ARHGEF3: variants seen among roughly 807,000 people sequenced by gnomAD.
The protein encoded by ARHGEF3 is Rho guanine nucleotide exchange factor 3, also known as 59.8 kDA protein.
ARHGEF3 carries 28 observed loss-of-function variants against 63.2 expected under a neutral mutation model. The ratio of observed to expected loss-of-function variants is 0.44; its 90% CI spans 0.33 to 0.61. The LOEUF (loss-of-function observed/expected upper bound fraction) is 0.61. ARHGEF3 is among the 20% of genes least tolerant of loss of function. The pLI is 0.03. For synonymous variants in ARHGEF3, 266 were observed against 254.2 expected, an observed-to-expected ratio of 1.05 and a Z score of -0.44; for missense variants, 533 against 659.3, an observed-to-expected ratio of 0.81 and a Z score of 2.10.
At chr3:57,014,723 C>G (rs1417239720) in intron 2 of ARHGEF3, among the ~76,000 whole-genome samples, 5 of 151,546 alleles carry the variant, frequency 3.3e-5, no homozygotes, top group Non-Finnish European at 7.4e-5. Flanking sequence ...CTGTGTCACC[C>G]AGGCTGGAGT....
upstream of ARHGEF3, chr3:56,801,958 G>C: frequency 1.3e-6 from 2 of 1,518,960 alleles, no homozygotes; most frequent in Non-Finnish European, 1.8e-6. Context: ...CTGGGCTCCG[G>C]AGCCGAGTGG....
At chr3:56,756,463 T>A (rs373815214) in intron 2 of ARHGEF3, among the ~76,000 whole-genome samples, 20 of 152,018 alleles carry the variant, frequency 1.3e-4, no homozygotes, top group African/African-American at 4.6e-4. Context: ...ATTCCCTAAA[T>A]ATGTCATGCT....
chr3:57,055,503 G>C (rs1704887129), intron 1 of ARHGEF3, among the ~76,000 whole-genome samples: 1 of 152,040 alleles, frequency 6.6e-6, no homozygotes, highest in Non-Finnish European at 1.5e-5. Flanking sequence ...CCTGTGCCTA[G>C]CCTCATCTCA....
intron 4 of ARHGEF3, among the ~76,000 whole-genome samples, chr3:56,851,441 A>C (rs1305225736): frequency 6.6e-6 from 1 of 152,190 alleles, no homozygotes. Flanking sequence ...GTGGTTTGTA[A>C]AGAAAAGAAA....
intron 8 of ARHGEF3, among the ~76,000 whole-genome samples, chr3:56,735,284 A>AAAACAAAC (rs564882157): frequency 6.6e-6 from 1 of 152,164 alleles, no homozygotes; most frequent in African/African-American, 2.4e-5. Flanking sequence ...ACTGTCTCAA[A>AAAACAAAC]AAACAAACAA....
chr3:57,025,412 C>G (rs1325823456), intron 2 of ARHGEF3, among the ~76,000 whole-genome samples: 2 of 152,210 alleles, frequency 1.3e-5, no homozygotes, highest in Non-Finnish European at 2.9e-5. Context: ...GGAAACTGCA[C>G]TCAGAGGAGT....
At chr3:57,001,636 G>C (rs145418374) in intron 2 of ARHGEF3, among the ~76,000 whole-genome samples, 4 of 152,262 alleles carry the variant, frequency 2.6e-5, no homozygotes, top group Admixed American at 1.3e-4. Flanking sequence ...TACAGTGCAG[G>C]CCTTCCCTTC....
At position 56,729,416 on chromosome 3, in the gene ARHGEF3, C is replaced by T. The variant is rs2032950520; in HGVS notation, c.1435G>A (p.Gly479Arg). Residue 479 changes from glycine to arginine, a missense_variant, in exon 10 of 10, where the codon GGA (glycine) becomes AGA (arginine). This residue lies in a region of ARHGEF3 where 115 missense variants were observed against 103.4 expected (regional missense o/e 1.11). Coordinates refer to ENST00000296315, the MANE Select transcript of ARHGEF3 (RefSeq NM_019555.3). ...NPTTGSRELQ[G>R]ETKLEQMDQS... Reference sequence around the variant, plus strand: ...TCCATCTGCTCAAGTTTTGTTTCTCCCTGTAGCTCTCTGCTCCCGGTGGTG... The same window carrying T: ...TCCATCTGCTCAAGTTTTGTTTCTCTCTGTAGCTCTCTGCTCCCGGTGGTG... The T allele has an allele frequency of 6.2e-7, 1 of 1,613,972 alleles. No individual in the cohort carries two copies. The highest frequency in any genetic ancestry group is 1.7e-5 in the Admixed American group (1 of 59,992).
At chr3:56,901,109 T>C (rs998179746) in intron 3 of ARHGEF3, among the ~76,000 whole-genome samples, 1 of 152,228 alleles carries the variant, frequency 6.6e-6, no homozygotes, top group Admixed American at 6.5e-5. Flanking sequence ...AAATCACCAA[T>C]TATAACAACC....
chr3:56,753,881 G>A (rs1020946341), intron 3 of ARHGEF3, among the ~76,000 whole-genome samples: 1 of 152,168 alleles, frequency 6.6e-6, no homozygotes, highest in Non-Finnish European at 1.5e-5. Flanking sequence ...TACAGTGTGA[G>A]CCATGGATTT....
chr3:56,865,270 T>C (rs1261709936), intron 4 of ARHGEF3, among the ~76,000 whole-genome samples: 1 of 152,086 alleles, frequency 6.6e-6, no homozygotes, highest in Non-Finnish European at 1.5e-5. Flanking sequence ...AACAGCAACC[T>C]AGAAGAGAAC....
Position 57,028,980 on chromosome 3 carries a change from G to GACACACACACACACACAC in ARHGEF3, c.62+6090_62+6107dup, listed in dbSNP as rs58006138. On this transcript the variant is annotated intron_variant, in intron 2 of 12. Coordinates refer to the ARHGEF3 transcript ENST00000338458. Reference sequence around the variant, plus strand: ...CATTACAAGGGCAGATAATGGTGAAGACACACACACACACACACACACACA... The same window carrying GACACACACACACACACAC: ...CATTACAAGGGCAGATAATGGTGAAGACACACACACACACACACACACACACACACACACACACACACA... Among the ~76,000 whole-genome samples, 504 of 142,228 alleles carry GACACACACACACACACAC rather than the reference G, an allele frequency of 3.5e-3. 3 individuals are homozygous for GACACACACACACACACAC. Among genetic ancestry groups the GACACACACACACACACAC allele is most frequent in the East Asian group, 7.8e-3 (37 of 4,762 alleles). 93.3% of individuals were successfully genotyped at this position (142,228 alleles called of 152,430 possible). A position where few individuals can be genotyped will look rare whatever the true frequency, so the allele number is the denominator to read the frequency against.
intron 1 of ARHGEF3, among the ~76,000 whole-genome samples, chr3:56,776,572 T>C (rs1038863622): frequency 6.6e-6 from 1 of 152,198 alleles, no homozygotes; most frequent in African/African-American, 2.4e-5. Context: ...GAATAGAAGA[T>C]TAAAAAAATT....
chr3:57,014,776 G>A (rs1702911541), intron 2 of ARHGEF3, among the ~76,000 whole-genome samples: 1 of 151,844 alleles, frequency 6.6e-6, no homozygotes, highest in South Asian at 2.1e-4. Context: ...CACCTCCCAG[G>A]CTCAGGCCAT....
rs777849091 is a variant in ARHGEF3 at position 56,751,068 on chromosome 3, G to A, written c.600C>T (p.Ile200=). The change falls in exon 6 of 10, where the codon ATC becomes ATT. Residue 200 remains isoleucine, a synonymous_variant. Coordinates refer to ENST00000296315, the MANE Select transcript of ARHGEF3 (RefSeq NM_019555.3). The stretch of plus-strand genomic sequence containing the variant: ...AGAACTTTCTTACCCAGCCCACGAG[G>A]ATGGGACCAACATGTTCAGTCGAGC... The part of the protein sequence containing the change: ...PDGSTEHVGP[I]LVGWLPCLSS... 1.2e-6 allele frequency: 2 copies of A among 1,613,666 alleles called. No individual in the cohort carries two copies. The highest frequency in any genetic ancestry group is 3.3e-5 in the Admixed American group (2 of 59,906).
intron 2 of ARHGEF3, among the ~76,000 whole-genome samples, chr3:57,007,796 C>T (rs552964028): frequency 1.4e-4 from 22 of 152,322 alleles, no homozygotes; most frequent in African/African-American, 4.6e-4. Flanking sequence ...CTCCTTATTA[C>T]GAGCAGAGTG....
chr3:56,954,627 C>T (rs1699960615), intron 3 of ARHGEF3, among the ~76,000 whole-genome samples: 1 of 152,200 alleles, frequency 6.6e-6, no homozygotes, highest in African/African-American at 2.4e-5. Context: ...AGTGCCACAC[C>T]TTGCTCAGGA....
At chr3:57,051,560 T>C (rs1391550554) in intron 1 of ARHGEF3, among the ~76,000 whole-genome samples, 2 of 152,194 alleles carry the variant, frequency 1.3e-5, no homozygotes, top group African/African-American at 2.4e-5. Flanking sequence ...ATAATAAAAA[T>C]AATAACACCA....
chr3:57,040,614 T>A (rs76146274), intron 1 of ARHGEF3, among the ~76,000 whole-genome samples: 12,256 of 152,030 alleles, frequency 0.081, 647 homozygotes, highest in East Asian at 0.19. Flanking sequence ...CTGGCAAAGT[T>A]CTGTTTCTTA....
Sources: gnomAD v4.1 joint callset for allele counts (sites outside exome capture counted in the v4.1 genomes callset) on GRCh38, gnomAD v4.1.1 for gene constraint, gnomAD v4.1.1 regional missense constraint, MANE v1.5 for transcripts, NCBI Gene and HGNC (gene_info 2026-07-23, HGNC 2026-07-21) for gene names.